The following RPS6KA5 variants were observed in gnomAD, a reference collection of about 807,000 sequenced individuals.
RPS6KA5 encodes the protein ribosomal protein S6 kinase A5, also known as ribosomal protein S6 kinase alpha-5.
A neutral mutation model predicts 85.5 loss-of-function variants in RPS6KA5; 27 were observed. The observed-to-expected ratio is 0.32, with a 90% confidence interval of 0.23 to 0.44. The LOEUF is 0.44. RPS6KA5 is among the 20% of genes least tolerant of loss of function. RPS6KA5 has a pLI of 1.00. For synonymous variants in RPS6KA5, 334 were observed against 348.2 expected, an observed-to-expected ratio of 0.96 and a Z score of 0.46; for missense variants, 811 against 980.9, an observed-to-expected ratio of 0.83 and a Z score of 2.31.
intron 4 of RPS6KA5, among the ~76,000 whole-genome samples, chr14:90,945,725 G>A (rs918847563): frequency 1.3e-5 from 2 of 152,194 alleles, no homozygotes; most frequent in East Asian, 1.9e-4. Context: ...ATTAAAAACC[G>A]GATTTTCGGA....
At chr14:91,053,999 A>G (rs1173906159) in intron 1 of RPS6KA5, among the ~76,000 whole-genome samples, 2 of 152,284 alleles carry the variant, frequency 1.3e-5, no homozygotes, top group Admixed American at 6.5e-5. Context: ...CATATAGATC[A>G]CTGGAAGAGA....
chr14:91,018,417 G>A (rs796736180), intron 1 of RPS6KA5, among the ~76,000 whole-genome samples: 27 of 152,300 alleles, frequency 1.8e-4, no homozygotes, highest in African/African-American at 5.3e-4. Context: ...GTTGCCAGAG[G>A]AGACTGATAT....
At position 90,978,355 on chromosome 14, in the gene RPS6KA5, T is replaced by C. The variant is rs2039653349; in HGVS notation, c.345A>G (p.Val115=). Residue 115 remains valine, a synonymous_variant, in exon 3 of 17, where the codon GTA becomes GTG. Coordinates refer to ENST00000614987, the MANE Select transcript of RPS6KA5 (RefSeq NM_004755.4). The part of the protein sequence containing the change: ...LEHIRQSPFL[V]TLHYAFQTET... ...CTGTCTGGAAAGCATAATGTAATGT[T>C]ACCAAAAATGGCGACTGCCTAATGT... 1 of 1,613,334 alleles carries C rather than the reference T, an allele frequency of 6.2e-7. No homozygotes were observed. Among genetic ancestry groups the C allele is most frequent in the South Asian group, 1.1e-5 (1 of 90,770 alleles).
chr14:90,956,309 A>T (rs1178986369), intron 3 of RPS6KA5, among the ~76,000 whole-genome samples: 1 of 152,162 alleles, frequency 6.6e-6, no homozygotes, highest in Non-Finnish European at 1.5e-5. Context: ...CTAGCATTTA[A>T]AAATATCTGT....
intron 6 of RPS6KA5, among the ~76,000 whole-genome samples, chr14:90,922,033 A>C (rs1162723089): frequency 6.6e-6 from 1 of 152,206 alleles, no homozygotes; most frequent in Non-Finnish European, 1.5e-5. Context: ...GGAGGCCAAA[A>C]AAATTGAGCT....
In RPS6KA5 at chr14:91,060,463, C is replaced by G; in HGVS notation, c.-29G>C. The G allele has an allele frequency of 7.1e-7, 1 of 1,412,226 alleles. No individual in the cohort carries two copies. The highest frequency in any genetic ancestry group is 9.4e-7 in the Non-Finnish European group (1 of 1,068,814). The allele number at this position is 1,412,226 out of a possible 1,614,324, so 87.5% of individuals were successfully genotyped here. ...CTCCTTTTTTTCCGATCCCGCGGGT[C>G]GCTACGAGGGGAACCCAGGAGACAG... On this transcript the variant is annotated 5_prime_UTR_variant, in exon 1 of 17. Coordinates refer to ENST00000614987, the MANE Select transcript of RPS6KA5 (RefSeq NM_004755.4).
At chr14:91,014,265 G>A (rs1265276223) in intron 1 of RPS6KA5, among the ~76,000 whole-genome samples, 1 of 152,118 alleles carries the variant, frequency 6.6e-6, no homozygotes, top group Non-Finnish European at 1.5e-5. Flanking sequence ...CACTTTGGGA[G>A]GCCAAGGCAG....
At chr14:90,913,216 T>C (rs1410364968) in intron 7 of RPS6KA5, among the ~76,000 whole-genome samples, 3 of 151,950 alleles carry the variant, frequency 2.0e-5, no homozygotes, top group Non-Finnish European at 4.4e-5. Flanking sequence ...GCCGGCCACA[T>C]GAAGCATCTT....
Position 90,872,186 on chromosome 14 carries a change from G to C in RPS6KA5, c.2297C>G (p.Ser766Cys), listed in dbSNP as rs771901541. Residue 766 changes from serine to cysteine, a missense_variant, in exon 17 of 17, where the codon TCT (serine) becomes TGT (cysteine). Ser to Cys is a moderately radical substitution (Grantham distance 112). Around this residue, in one of 3 missense-constraint regions of RPS6KA5, gnomAD observed 650 missense variants for 793.4 expected, o/e 0.82. Transcript: ENST00000614987. ...AGTTTTACCGTGAGAATGAGAGGAA[G>C]AAGAATGGGAACTCTCACTGGAACT... ...RSSSSESSHSSSSHSHGKTTP... is the reference protein window; with the variant it reads ...RSSSSESSHSCSSHSHGKTTP... 1.2e-6 allele frequency: 2 copies of C among 1,613,930 alleles called. No homozygotes were observed. Among genetic ancestry groups the C allele is most frequent in the Non-Finnish European group, 1.7e-6 (2 of 1,179,996 alleles).
chr14:90,928,745 A>AC (rs1259866962), intron 5 of RPS6KA5, among the ~76,000 whole-genome samples: 2 of 151,362 alleles, frequency 1.3e-5, no homozygotes, highest in Non-Finnish European at 3.0e-5. Flanking sequence ...AAATGAAAAA[A>AC]AAAAAAAAAG....
chr14:90,891,848 C>T (rs189050364), intron 13 of RPS6KA5, among the ~76,000 whole-genome samples: 1 of 152,290 alleles, frequency 6.6e-6, no homozygotes, highest in African/African-American at 2.4e-5. Flanking sequence ...GCAAGTAACA[C>T]CTGAGCTCCT....
chr14:91,015,953 A>C (rs2041473551), intron 1 of RPS6KA5, among the ~76,000 whole-genome samples: 1 of 152,180 alleles, frequency 6.6e-6, no homozygotes, highest in Non-Finnish European at 1.5e-5. Context: ...CTAACTGTTT[A>C]ATCAACCACA....
At chr14:90,992,236 A>G (rs2040340325) in intron 2 of RPS6KA5, among the ~76,000 whole-genome samples, 2 of 152,220 alleles carry the variant, frequency 1.3e-5, no homozygotes, top group East Asian at 3.8e-4. Context: ...TTAAAGGCAG[A>G]TATACTTACA....
chr14:90,989,136 T>C (rs542369428), intron 2 of RPS6KA5, among the ~76,000 whole-genome samples: 2 of 152,330 alleles, frequency 1.3e-5, no homozygotes, highest in African/African-American at 4.8e-5. Flanking sequence ...TCAATAACCA[T>C]AACCCATGGT....
chr14:90,908,119 C>G (rs1200517946), intron 7 of RPS6KA5, among the ~76,000 whole-genome samples: 1 of 152,164 alleles, frequency 6.6e-6, no homozygotes, highest in Non-Finnish European at 1.5e-5. Context: ...GGGGAAAGAA[C>G]AGTCAGTCCT....
At chr14:90,982,269 G>C (rs1375750385) in intron 2 of RPS6KA5, among the ~76,000 whole-genome samples, 1 of 137,350 alleles carries the variant, frequency 7.3e-6, no homozygotes, top group Non-Finnish European at 1.6e-5. Context: ...GACTACCACA[G>C]TGAAAATTCC....
chr14:90,937,520 AAAGAG>A (rs2037327102), intron 5 of RPS6KA5, among the ~76,000 whole-genome samples: 1 of 152,210 alleles, frequency 6.6e-6, no homozygotes, highest in Admixed American at 6.5e-5. Context: ...GGAAGAGGTT[AAAGAG>A]AAGAGAAGGC....
chr14:90,906,344 A>C (rs2035503328), intron 7 of RPS6KA5, 45 bp from the exon 8 acceptor site: 2 of 1,317,612 alleles, frequency 1.5e-6, no homozygotes, highest in South Asian at 1.8e-5. Context: ...AGGATGACAA[A>C]AAAAAAAAAA....
intron 2 of RPS6KA5, among the ~76,000 whole-genome samples, chr14:90,991,511 G>A (rs1234463040): frequency 6.6e-6 from 1 of 152,052 alleles, no homozygotes; most frequent in Non-Finnish European, 1.5e-5. Context: ...AGACCAGCCT[G>A]GCTAACATGG....
Sources: gnomAD v4.1 joint callset for allele counts (sites outside exome capture counted in the v4.1 genomes callset) on GRCh38, gnomAD v4.1.1 for gene constraint, gnomAD v4.1.1 regional missense constraint, MANE v1.5 for transcripts, NCBI Gene and HGNC (gene_info 2026-07-23, HGNC 2026-07-21) for gene names.